NTM: variants seen among roughly 807,000 people sequenced by gnomAD.
NTM encodes the protein IgLON family member 2.
Under a neutral mutation model 42.1 loss-of-function variants are expected in NTM, and 13 were observed. The ratio of observed to expected loss-of-function variants is 0.31; its 90% CI spans 0.20 to 0.49. The LOEUF (loss-of-function observed/expected upper bound fraction) is 0.49, where lower values mean the gene tolerates loss of function less well. NTM is among the 20% of genes least tolerant of loss of function. The pLI is 0.99. For synonymous variants in NTM, 187 were observed against 179.2 expected, an observed-to-expected ratio of 1.04 and a Z score of -0.35; for missense variants, 373 against 452.8, an observed-to-expected ratio of 0.82 and a Z score of 1.60.
At chr11:132,292,056 C>A (rs924731979) in intron 4 of NTM, among the ~76,000 whole-genome samples, 65 of 152,032 alleles carry the variant, frequency 4.3e-4, no homozygotes, top group Non-Finnish European at 2.6e-4. Flanking sequence ...TGAAAACAAC[C>A]ATGAAAATGA....
At chr11:131,654,977 C>G (rs572071517) in intron 1 of NTM, among the ~76,000 whole-genome samples, 1 of 152,168 alleles carries the variant, frequency 6.6e-6, no homozygotes, top group Admixed American at 6.5e-5. Flanking sequence ...AGGCCACATG[C>G]ACATGTACTC....
intron 1 of NTM, among the ~76,000 whole-genome samples, chr11:131,486,722 C>T (rs1954213008): frequency 6.6e-6 from 1 of 152,164 alleles, no homozygotes; most frequent in Non-Finnish European, 1.5e-5. Flanking sequence ...CAGCCTGTCA[C>T]CTTCTTCCTT....
intron 1 of NTM, among the ~76,000 whole-genome samples, chr11:131,466,617 G>A (rs1308992333): frequency 1.3e-5 from 2 of 152,072 alleles, no homozygotes; most frequent in East Asian, 1.9e-4. Context: ...ATGTTATGCC[G>A]CACAAGTTAT....
chr11:131,862,857 C>A (rs77414158), intron 1 of NTM, among the ~76,000 whole-genome samples: 5 of 152,136 alleles, frequency 3.3e-5, no homozygotes, highest in Admixed American at 6.5e-5. Context: ...CCTTTCAGAG[C>A]GGAGAGAGGA....
At chr11:131,767,809 C>T (rs1292441807) in intron 1 of NTM, among the ~76,000 whole-genome samples, 1 of 152,126 alleles carries the variant, frequency 6.6e-6, no homozygotes, top group African/African-American at 2.4e-5. Flanking sequence ...CCTGAGCCTT[C>T]GAGATTTGCA....
chr11:132,196,587 A>G (rs537575797), intron 3 of NTM, among the ~76,000 whole-genome samples: 2 of 152,320 alleles, frequency 1.3e-5, no homozygotes, highest in East Asian at 3.9e-4. Flanking sequence ...TGGTACATAT[A>G]CACCATGGAA....
At chr11:132,162,136 T>C (rs2074417323) in intron 3 of NTM, among the ~76,000 whole-genome samples, 1 of 151,928 alleles carries the variant, frequency 6.6e-6, no homozygotes, top group African/African-American at 2.4e-5. Context: ...GTGCATACTT[T>C]GTCCCTTCTG....
At chr11:132,145,234 A>G (rs1174083519) in intron 2 of NTM, among the ~76,000 whole-genome samples, 4 of 152,258 alleles carry the variant, frequency 2.6e-5, no homozygotes, top group Admixed American at 2.0e-4. Flanking sequence ...TCTTTAAAGC[A>G]GAGAATGGGT....
rs563465668 is a variant in NTM at position 131,499,745 on chromosome 11, C to T, written c.82+128857C>T. On this transcript the variant is annotated intron_variant, in intron 1 of 8. Transcript: ENST00000683400. ...GTGTTATTAATACGCTAAGTTTCTTCTGCATCAGAGCAAAAAAATCCCCTG... is the reference window on the plus strand; with the variant it reads ...GTGTTATTAATACGCTAAGTTTCTTTTGCATCAGAGCAAAAAAATCCCCTG... Among the ~76,000 whole-genome samples the T allele has an allele frequency of 4.6e-5, 7 of 152,302 alleles. No homozygotes were observed. The South Asian group carries it at 1.5e-3, about 32-fold the overall frequency.
intron 2 of NTM, among the ~76,000 whole-genome samples, chr11:132,096,100 C>T (rs2060946442): frequency 6.6e-6 from 1 of 152,206 alleles, no homozygotes; most frequent in Admixed American, 6.5e-5. Flanking sequence ...ATTCTGTCTC[C>T]TAGGCCACTC....
At chr11:132,044,478 G>C (rs1310495807) in intron 2 of NTM, among the ~76,000 whole-genome samples, 1 of 152,110 alleles carries the variant, frequency 6.6e-6, no homozygotes, top group African/African-American at 2.4e-5. Flanking sequence ...CTGTTCAAGA[G>C]GAGGACCCCT....
chr11:131,987,802 A>C (rs931059144), intron 2 of NTM, among the ~76,000 whole-genome samples: 1 of 152,242 alleles, frequency 6.6e-6, no homozygotes, highest in East Asian at 1.9e-4. Context: ...TCATTTGAAC[A>C]GTCAGCCACT....
chr11:131,897,492 C>T (rs1055001375), intron 1 of NTM, among the ~76,000 whole-genome samples: 1 of 152,198 alleles, frequency 6.6e-6, no homozygotes, highest in African/African-American at 2.4e-5. Context: ...GGTGCAATGA[C>T]TTTTGCAAAG....
chr11:132,168,403 C>T (rs1374592300), intron 3 of NTM, among the ~76,000 whole-genome samples: 3 of 152,160 alleles, frequency 2.0e-5, no homozygotes, highest in Admixed American at 6.5e-5. Flanking sequence ...TCTCATATCA[C>T]TTTCATTGTA....
chr11:132,078,837 A>G (rs898339116), intron 2 of NTM, among the ~76,000 whole-genome samples: 1 of 152,226 alleles, frequency 6.6e-6, no homozygotes, highest in South Asian at 2.1e-4. Flanking sequence ...AGCCTTTGTT[A>G]TAAGCCTTTT....
chr11:131,723,371 G>C (rs1408311709), intron 1 of NTM, among the ~76,000 whole-genome samples: 2 of 152,274 alleles, frequency 1.3e-5, no homozygotes, highest in Admixed American at 6.5e-5. Context: ...AAGCGATGTA[G>C]ATTACGCAGC....
At chr11:132,034,122 C>T (rs1340021107) in intron 2 of NTM, among the ~76,000 whole-genome samples, 1 of 152,156 alleles carries the variant, frequency 6.6e-6, no homozygotes, top group African/African-American at 2.4e-5. Flanking sequence ...TAATGCAAAG[C>T]TGTTTTCTTT....
chr11:131,540,499 C>T (rs1283453141), intron 1 of NTM: 3 of 152,276 alleles, frequency 2.0e-5, no homozygotes, highest in African/African-American at 7.2e-5. Context: ...TACTGACGAC[C>T]TCCAAGGCCA....
intron 1 of NTM, among the ~76,000 whole-genome samples, chr11:131,590,699 A>T (rs1323342391): frequency 6.6e-6 from 1 of 152,246 alleles, no homozygotes; most frequent in Admixed American, 6.5e-5. Context: ...ATTAAAACTC[A>T]TCTGCATGGC....
Sources: gnomAD v4.1 joint callset for allele counts (sites outside exome capture counted in the v4.1 genomes callset) on GRCh38, gnomAD v4.1.1 for gene constraint, MANE v1.5 for transcripts, NCBI Gene and HGNC (gene_info 2026-07-23, HGNC 2026-07-21) for gene names.